Variants in MAGI3 observed in about 807,000 individuals in gnomAD.
The protein encoded by MAGI3 is membrane associated guanylate kinase, WW and PDZ domain containing 3, also known as membrane-associated guanylate kinase, WW and PDZ domain-containing protein 3.
A neutral mutation model predicts 121.8 loss-of-function variants in MAGI3; 43 were observed. The observed-to-expected ratio is 0.35, with a 90% confidence interval of 0.28 to 0.46. The LOEUF (loss-of-function observed/expected upper bound fraction) is 0.46, where lower values mean the gene tolerates loss of function less well. Ranked by LOEUF, MAGI3 falls within the 20% of genes least tolerant of loss-of-function variation. MAGI3 has a pLI of 1.00. For missense variants in MAGI3, 1,547 were observed against 1,797.3 expected (o/e 0.86, Z 2.52); for synonymous variants, 553 against 639.3 (o/e 0.86, Z 2.04).
At chr1:113,494,046 G>A (rs575171747) in intron 1 of MAGI3, among the ~76,000 whole-genome samples, 83 of 152,150 alleles carry the variant, frequency 5.5e-4, no homozygotes, top group Admixed American at 9.8e-4. Context: ...TTTATAAATC[G>A]TTCTATTATA....
intron 1 of MAGI3, among the ~76,000 whole-genome samples, chr1:113,493,543 G>A (rs1936926): frequency 0.15 from 23,221 of 152,124 alleles, 2,814 homozygotes; most frequent in East Asian, 0.62. Flanking sequence ...CTAATTAAAC[G>A]AAAGAGCTTC....
chr1:113,425,156 T>C (rs1652933475), intron 1 of MAGI3, among the ~76,000 whole-genome samples: 3 of 151,050 alleles, frequency 2.0e-5, no homozygotes, highest in Non-Finnish European at 4.4e-5. Flanking sequence ...CAAAACTCCA[T>C]CTCAAAACAA....
chr1:113,569,152 T>C (rs769463449), intron 2 of MAGI3, among the ~76,000 whole-genome samples: 93 of 152,136 alleles, frequency 6.1e-4, no homozygotes, highest in Admixed American at 1.2e-3. Context: ...ATGTTTTTTA[T>C]CATCAAATAG....
At position 113,685,717 on chromosome 1, in the gene MAGI3, T is replaced by C. The variant is rs1447483826; in HGVS notation, c.*1703T>C. ...GTGACATAACTTTGATGTCATATGT[T>C]GTCCTATGTGGTTCTTCCTAAGTAA... On this transcript the variant is annotated 3_prime_UTR_variant, in exon 21 of 21. Coordinates refer to ENST00000307546, the MANE Select transcript of MAGI3 (RefSeq NM_001142782.2). 3 of 152,356 alleles carry C rather than the reference T, an allele frequency of 2.0e-5. No individual in the cohort carries two copies. The highest frequency in any genetic ancestry group is 4.4e-5 in the Non-Finnish European group (3 of 68,030). 9.4% of individuals were successfully genotyped at this position (152,356 alleles called of 1,614,324 possible). A position where few individuals can be genotyped will look rare whatever the true frequency, so the allele number is the denominator to read the frequency against.
At chr1:113,654,757 T>G (rs1006308147) in intron 15 of MAGI3, among the ~76,000 whole-genome samples, 74 of 151,980 alleles carry the variant, frequency 4.9e-4, no homozygotes, top group Non-Finnish European at 9.7e-4. Flanking sequence ...TTAATATAAT[T>G]ATAAAATCCA....
intron 1 of MAGI3, among the ~76,000 whole-genome samples, chr1:113,493,651 G>C (rs904514404): frequency 3.3e-5 from 5 of 152,136 alleles, no homozygotes; most frequent in Non-Finnish European, 5.9e-5. Context: ...CAAATATCTA[G>C]CATCTGTAAT....
chr1:113,455,585 T>G (rs914301728), intron 1 of MAGI3, among the ~76,000 whole-genome samples: 1 of 152,104 alleles, frequency 6.6e-6, no homozygotes, highest in African/African-American at 2.4e-5. Flanking sequence ...TGTTCTCTTT[T>G]GCACCAGGAC....
chr1:113,594,520 T>G lies in MAGI3; in HGVS notation c.978T>G (p.Leu326=). The G allele has an allele frequency of 6.2e-7, 1 of 1,613,590 alleles. No homozygotes were observed. The change falls in exon 6 of 21, where the codon CTT becomes CTG. Residue 326 remains leucine, a synonymous_variant. Coordinates refer to ENST00000307546, the MANE Select transcript of MAGI3 (RefSeq NM_001142782.2). ...CAACCACCTGGTTGGATCCTCGTCTTTGTAAGAAAGCCAAAGCCCCTGAAG... is the reference window on the plus strand; with the variant it reads ...CAACCACCTGGTTGGATCCTCGTCTGTGTAAGAAAGCCAAAGCCCCTGAAG... The part of the protein sequence containing the change: ...TKTTTWLDPR[L]CKKAKAPEDC...
chr1:113,634,444 T>C (rs1651871091), intron 9 of MAGI3, among the ~76,000 whole-genome samples: 1 of 152,262 alleles, frequency 6.6e-6, no homozygotes, highest in Admixed American at 6.5e-5. Flanking sequence ...GTTTCAGCTT[T>C]CTACATATGG....
chr1:113,486,300 C>T (rs894758204), intron 1 of MAGI3, among the ~76,000 whole-genome samples: 11 of 151,980 alleles, frequency 7.2e-5, no homozygotes, highest in East Asian at 3.9e-4. Context: ...TTCTTTTGGC[C>T]GTATGGTCAT....
chr1:113,475,933 C>A (rs528707807), intron 1 of MAGI3, among the ~76,000 whole-genome samples: 23 of 152,076 alleles, frequency 1.5e-4, no homozygotes, highest in Middle Eastern at 3.4e-3. Flanking sequence ...CAGAGATTCA[C>A]CTTCTTCCTG....
At chr1:113,491,243 A>G (rs1276336719) in intron 1 of MAGI3, among the ~76,000 whole-genome samples, 1 of 152,208 alleles carries the variant, frequency 6.6e-6, no homozygotes, top group Non-Finnish European at 1.5e-5. Flanking sequence ...ATACAATTAC[A>G]TGGCAATTGG....
chr1:113,459,977 C>T (rs1654948997), intron 1 of MAGI3, among the ~76,000 whole-genome samples: 2 of 152,182 alleles, frequency 1.3e-5, no homozygotes, highest in African/African-American at 2.4e-5. Context: ...AGAAAGAAAA[C>T]TTCAGGCCAG....
At chr1:113,681,597 A>G (rs1241545549) in intron 20 of MAGI3, among the ~76,000 whole-genome samples, 1 of 152,266 alleles carries the variant, frequency 6.6e-6, no homozygotes, top group African/African-American at 2.4e-5. Flanking sequence ...AGAGAAATGT[A>G]CCTATTAAAA....
At chr1:113,456,474 C>A (rs866841866) in intron 1 of MAGI3, among the ~76,000 whole-genome samples, 1 of 151,928 alleles carries the variant, frequency 6.6e-6, no homozygotes, top group South Asian at 2.1e-4. Flanking sequence ...GATAAAGTAC[C>A]AAAAAGTAGT....
intron 11 of MAGI3, among the ~76,000 whole-genome samples, chr1:113,644,909 C>T (rs1461543691): frequency 6.6e-6 from 1 of 152,168 alleles, no homozygotes; most frequent in East Asian, 1.9e-4. Flanking sequence ...CCTTCCATAA[C>T]CATAAACTAT....
chr1:113,476,355 A>G (rs995346569), intron 1 of MAGI3, among the ~76,000 whole-genome samples: 1 of 152,148 alleles, frequency 6.6e-6, no homozygotes, highest in Non-Finnish European at 1.5e-5. Flanking sequence ...TCTTGTGGGC[A>G]TTTAGTGCTA....
intron 1 of MAGI3, chr1:113,404,337 C>T (rs1401174959): frequency 6.6e-6 from 1 of 152,104 alleles, no homozygotes; most frequent in Non-Finnish European, 1.5e-5. Flanking sequence ...AGTGAGTTGG[C>T]TGTATTCTTT....
chr1:113,493,986 A>G (rs1259697459), intron 1 of MAGI3, among the ~76,000 whole-genome samples: 4 of 152,240 alleles, frequency 2.6e-5, no homozygotes, highest in Non-Finnish European at 5.9e-5. Context: ...ACCTAAAAAC[A>G]GAAATGCCAT....
Sources: allele counts gnomAD v4.1 joint callset (sites outside exome capture counted in the v4.1 genomes callset), GRCh38; gene constraint gnomAD v4.1.1; transcripts MANE v1.5; gene names NCBI Gene and HGNC (gene_info 2026-07-23, HGNC 2026-07-21).